The following RAP1A variants were observed in gnomAD, a reference collection of about 807,000 sequenced individuals.
RAP1A encodes ras-related protein Rap-1A.
Under a neutral mutation model 26.4 loss-of-function variants are expected in RAP1A, and 6 were observed. The ratio of observed to expected loss-of-function variants is 0.23; its 90% confidence interval spans 0.12 to 0.45. The LOEUF is 0.45. Among genes scored for constraint, RAP1A ranks in the 20% least tolerant of loss-of-function variants. The pLI is 0.99. For missense variants in RAP1A, 121 were observed against 217.2 expected (o/e 0.56, Z 2.78); for synonymous variants, 73 against 79.4 (o/e 0.92, Z 0.43).
At chr1:111,565,729 A>G (rs1187371802) in intron 1 of RAP1A, among the ~76,000 whole-genome samples, 1 of 152,220 alleles carries the variant, frequency 6.6e-6, no homozygotes, top group Non-Finnish European at 1.5e-5. Flanking sequence ...TTGTCATTGC[A>G]TCCCATAAGA....
At chr1:111,647,764 A>G (rs1442066268) in intron 1 of RAP1A, among the ~76,000 whole-genome samples, 2 of 151,946 alleles carry the variant, frequency 1.3e-5, no homozygotes, top group East Asian at 3.9e-4. Flanking sequence ...GCTGGTCTCA[A>G]ACTCCTAACC....
At chr1:111,607,636 G>A (rs899366030) in intron 1 of RAP1A, among the ~76,000 whole-genome samples, 6 of 147,452 alleles carry the variant, frequency 4.1e-5, no homozygotes, top group Non-Finnish European at 6.0e-5. Flanking sequence ...CTGGCCGGGC[G>A]GGGGGCTGAC....
chr1:111,559,149 T>C (rs1657631170), intron 1 of RAP1A, among the ~76,000 whole-genome samples: 1 of 152,002 alleles, frequency 6.6e-6, no homozygotes, highest in African/African-American at 2.4e-5. Flanking sequence ...ATAATGAAAA[T>C]ACATATCAAA....
At chr1:111,641,937 G>C (rs531103217) in intron 1 of RAP1A, among the ~76,000 whole-genome samples, 1 of 152,146 alleles carries the variant, frequency 6.6e-6, no homozygotes, top group South Asian at 2.1e-4. Context: ...TAGCCTTTTT[G>C]CCTCGTCTAT....
At chr1:111,569,185 G>C (rs892261904) in intron 1 of RAP1A, among the ~76,000 whole-genome samples, 9 of 151,892 alleles carry the variant, frequency 5.9e-5, no homozygotes, top group Admixed American at 1.3e-4. Context: ...GGCGGATCAC[G>C]AGGTCAAGAG....
intron 2 of RAP1A, among the ~76,000 whole-genome samples, chr1:111,693,840 A>G (rs1661748365): frequency 1.3e-5 from 2 of 151,712 alleles, no homozygotes; most frequent in Admixed American, 1.3e-4. Flanking sequence ...GCCTTGGACC[A>G]TATTTTGAGA....
At chr1:111,561,595 A>G (rs933380735) in intron 1 of RAP1A, among the ~76,000 whole-genome samples, 1 of 152,188 alleles carries the variant, frequency 6.6e-6, no homozygotes, top group Non-Finnish European at 1.5e-5. Flanking sequence ...GTCAGGTCAA[A>G]CACAGAGCAG....
At chr1:111,660,594 G>A (rs1660600291) in intron 1 of RAP1A, among the ~76,000 whole-genome samples, 1 of 152,050 alleles carries the variant, frequency 6.6e-6, no homozygotes, top group African/African-American at 2.4e-5. Flanking sequence ...CATTATTTCA[G>A]TTGCCTTCCA....
intron 1 of RAP1A, among the ~76,000 whole-genome samples, chr1:111,620,959 G>C (rs555255227): frequency 5.3e-4 from 80 of 152,276 alleles, no homozygotes; most frequent in Non-Finnish European, 1.0e-3. Flanking sequence ...CTTGGAAAAA[G>C]AACTGCCATT....
At chr1:111,682,124 CT>C (rs1661315446) in intron 1 of RAP1A, among the ~76,000 whole-genome samples, 1 of 152,102 alleles carries the variant, frequency 6.6e-6, no homozygotes, top group African/African-American at 2.4e-5. Flanking sequence ...AAATAAAATC[CT>C]TTACAGACAA....
At chr1:111,573,411 C>CT (rs899580114) in intron 1 of RAP1A, among the ~76,000 whole-genome samples, 65 of 151,686 alleles carry the variant, frequency 4.3e-4, no homozygotes, top group African/African-American at 1.4e-3. Flanking sequence ...TATTTTTTAA[C>CT]TTTTTTTTTG....
chr1:111,621,098 C>T (rs1045474437), intron 1 of RAP1A, among the ~76,000 whole-genome samples: 1 of 152,182 alleles, frequency 6.6e-6, no homozygotes, highest in Non-Finnish European at 1.5e-5. Flanking sequence ...GGTAGCCAGC[C>T]ACTCTTCTTA....
At chr1:111,711,128 C>T (rs183413402) in intron 7 of RAP1A, among the ~76,000 whole-genome samples, 145 of 152,290 alleles carry the variant, frequency 9.5e-4, no homozygotes, top group South Asian at 7.7e-3. Flanking sequence ...TGAGCCACCG[C>T]GCCTGGCCTT....
intron 1 of RAP1A, among the ~76,000 whole-genome samples, chr1:111,576,485 C>T (rs1658149607): frequency 6.6e-6 from 1 of 152,178 alleles, no homozygotes; most frequent in Non-Finnish European, 1.5e-5. Flanking sequence ...AAGGAAGACA[C>T]TTGATTCAGC....
At chr1:111,656,714 T>A (rs1212023609) in intron 1 of RAP1A, among the ~76,000 whole-genome samples, 1 of 152,046 alleles carries the variant, frequency 6.6e-6, no homozygotes, top group Non-Finnish European at 1.5e-5. Context: ...ATATACATGG[T>A]TCCCCCCCGC....
chr1:111,696,801 T>G (rs1286532671), intron 3 of RAP1A, among the ~76,000 whole-genome samples: 1 of 152,188 alleles, frequency 6.6e-6, no homozygotes, highest in Admixed American at 6.5e-5. Context: ...ATAAGACCAA[T>G]GGGTAAATAG....
At chr1:111,591,971 A>G (rs1310328222) in intron 1 of RAP1A, among the ~76,000 whole-genome samples, 1 of 152,186 alleles carries the variant, frequency 6.6e-6, no homozygotes, top group African/African-American at 2.4e-5. Flanking sequence ...TTGGATTTGC[A>G]CATCAGAGGT....
intron 1 of RAP1A, among the ~76,000 whole-genome samples, chr1:111,554,028 T>C (rs1021792988): frequency 1.3e-5 from 2 of 152,264 alleles, no homozygotes; most frequent in Non-Finnish European, 2.9e-5. Flanking sequence ...ATGTGACTGA[T>C]TGGAATGGTT....
chr1:111,674,620 A>T (rs1362861410), intron 1 of RAP1A, among the ~76,000 whole-genome samples: 2 of 152,188 alleles, frequency 1.3e-5, no homozygotes, highest in African/African-American at 2.4e-5. Context: ...TTTTGGAAGA[A>T]AGTATTATCT....
Sources: gnomAD v4.1 joint callset for allele counts (sites outside exome capture counted in the v4.1 genomes callset) on GRCh38, gnomAD v4.1.1 for gene constraint, MANE v1.5 for transcripts, NCBI Gene and HGNC (gene_info 2026-07-23, HGNC 2026-07-21) for gene names.